CEP57L1: variants seen among roughly 807,000 people sequenced by gnomAD.
CEP57L1 encodes the protein centrosomal protein CEP57L1.
Under a neutral mutation model 61.0 loss-of-function variants are expected in CEP57L1, and 37 were observed. The observed-to-expected ratio is 0.61, with a 90% CI of 0.47 to 0.80. CEP57L1 has a LOEUF of 0.80. Among genes scored for constraint, CEP57L1 ranks in the 30% least tolerant of loss-of-function variants. CEP57L1 has a pLI of 0.00. For missense variants in CEP57L1, 422 were observed against 524.7 expected (o/e 0.80, Z 1.91); for synonymous variants, 137 against 162.3 (o/e 0.84, Z 1.19).
intron 1 of CEP57L1, chr6:109,129,506 C>T: frequency 8.7e-6 from 4 of 461,424 alleles, no homozygotes; most frequent in South Asian, 3.1e-5. Flanking sequence ...GAGTACTCTT[C>T]TGGCTGCATG....
intron 4 of CEP57L1, among the ~76,000 whole-genome samples, chr6:109,150,857 G>A (rs1772539344): frequency 6.6e-6 from 1 of 151,922 alleles, no homozygotes; most frequent in Non-Finnish European, 1.5e-5. Context: ...GTATCCTTCA[G>A]AAATAAAGAT....
At position 109,166,926 on chromosome 6, in the gene CEP57L1, G is replaced by A. The variant is rs1451344203; in HGVS notation, c.*3956G>A. ...CTTTATCTACTGAGAACATTTAATT[G>A]TAGGTGACGTGTAGATAAGTATAAG... On this transcript the variant is annotated 3_prime_UTR_variant, in exon 11 of 11. Coordinates refer to ENST00000517392, the MANE Select transcript of CEP57L1 (RefSeq NM_001271852.3). 6.6e-6 allele frequency among the ~76,000 whole-genome samples: 1 copy of A among 152,166 alleles called. No homozygotes were observed. Among genetic ancestry groups the A allele is most frequent in the East Asian group, 1.9e-4 (1 of 5,194 alleles).
chr6:109,096,353 G>A (rs1203869986), intron 1 of CEP57L1, among the ~76,000 whole-genome samples: 2 of 152,104 alleles, frequency 1.3e-5, no homozygotes, highest in Admixed American at 6.5e-5. Context: ...TTAGACATAC[G>A]GTTACAATAA....
At chr6:109,161,715 T>C (rs1029717478) in intron 10 of CEP57L1, among the ~76,000 whole-genome samples, 3 of 152,106 alleles carry the variant, frequency 2.0e-5, no homozygotes, top group Non-Finnish European at 2.9e-5. Context: ...TGAAATTGCA[T>C]TGGAGAAACT....
intron 1 of CEP57L1, among the ~76,000 whole-genome samples, chr6:109,139,028 A>C (rs1406879809): frequency 2.0e-5 from 3 of 152,178 alleles, no homozygotes; most frequent in Non-Finnish European, 2.9e-5. Flanking sequence ...TCTCTGGCAT[A>C]TCTAAATTGC....
intron 1 of CEP57L1, among the ~76,000 whole-genome samples, chr6:109,138,847 G>A (rs1363492221): frequency 6.6e-6 from 1 of 152,156 alleles, no homozygotes; most frequent in Non-Finnish European, 1.5e-5. Flanking sequence ...ACCACAGATA[G>A]TACCAAACTC....
At chr6:109,148,775 C>T (rs539513394) in intron 3 of CEP57L1, among the ~76,000 whole-genome samples, 1 of 152,324 alleles carries the variant, frequency 6.6e-6, no homozygotes, top group East Asian at 1.9e-4. Flanking sequence ...TCCTCTCCAG[C>T]ACCTGTTGTT....
rs188185507 is a variant in CEP57L1 at position 109,099,208 on chromosome 6, A to G, written c.-4+3633A>G. Reference sequence around the variant, plus strand: ...GGCAATAGATATAATTTTGGATTTTATAGTAGTGTTTTGATAGGAGTTGTT... The same window carrying G: ...GGCAATAGATATAATTTTGGATTTTGTAGTAGTGTTTTGATAGGAGTTGTT... On this transcript the variant is annotated intron_variant, in intron 1 of 10. Coordinates refer to ENST00000517392, the MANE Select transcript of CEP57L1 (RefSeq NM_001271852.3). Among the ~76,000 whole-genome samples, 14 of 152,294 alleles carry G rather than the reference A, an allele frequency of 9.2e-5. No individual in the cohort carries two copies. In the East Asian group the frequency reaches 2.7e-3, roughly 29 times the overall value.
At chr6:109,139,991 TA>T (rs1266142906) in intron 1 of CEP57L1, among the ~76,000 whole-genome samples, 2 of 152,238 alleles carry the variant, frequency 1.3e-5, no homozygotes, top group Admixed American at 1.3e-4. Flanking sequence ...AAGATAGTAG[TA>T]AGTGGCAGAT....
intron 1 of CEP57L1, among the ~76,000 whole-genome samples, chr6:109,105,296 C>A (rs1376973549): frequency 6.6e-6 from 1 of 152,012 alleles, no homozygotes; most frequent in Non-Finnish European, 1.5e-5. Flanking sequence ...TCTTCTAAAA[C>A]AAAGGTTTGT....
chr6:109,146,937 G>T lies in CEP57L1; in HGVS notation c.340G>T (p.Asp114Tyr). 1 of 1,601,674 alleles carries T rather than the reference G, an allele frequency of 6.2e-7. No individual in the cohort carries two copies. Among genetic ancestry groups the T allele is most frequent in the South Asian group, 1.1e-5 (1 of 88,734 alleles). Reference protein sequence around the residue: ...AHQELIKQKKDISIQLSSAQS... With the variant: ...AHQELIKQKKYISIQLSSAQS... ...CCAGGAGCTGATAAAGCAGAAAAAA[G>T]GTAAGAAATGCAGTAGTTCTCAGAA... Residue 114 changes from aspartate to tyrosine, a missense_variant and splice_region_variant, in exon 3 of 11, where the codon GAT (aspartate) becomes TAT (tyrosine). Physicochemically the swap from Asp to Tyr is radical, Grantham distance 160. Coordinates refer to ENST00000517392, the MANE Select transcript of CEP57L1 (RefSeq NM_001271852.3).
At chr6:109,110,249 G>A (rs1357361364) in intron 1 of CEP57L1, among the ~76,000 whole-genome samples, 2 of 152,144 alleles carry the variant, frequency 1.3e-5, no homozygotes, top group African/African-American at 2.4e-5. Flanking sequence ...GGCATGAGAT[G>A]GTATCTTATT....
intron 1 of CEP57L1, among the ~76,000 whole-genome samples, chr6:109,109,605 T>C (rs1338211717): frequency 6.6e-6 from 1 of 152,244 alleles, no homozygotes; most frequent in Non-Finnish European, 1.5e-5. Context: ...GTTTGTTACA[T>C]AGGTATACAC....
chr6:109,145,276 A>G lies in CEP57L1; in HGVS notation c.55A>G (p.Arg19Gly). Residue 19 changes from arginine to glycine, a missense_variant, in exon 2 of 11, where the codon AGA becomes GGA. Transcript: ENST00000517392. ...IVGSYHKPPE[R>G]VFVPSFTQNE... ...AGGAAGCTATCATAAACCTCCAGAA[A>G]GAGTATTTGTTCCCTCATTCACCCA... 6.2e-7 allele frequency: 1 copy of G among 1,605,886 alleles called. No homozygotes were observed. Among genetic ancestry groups the G allele is most frequent in the African/African-American group, 1.3e-5 (1 of 74,840 alleles).
intron 2 of CEP57L1, among the ~76,000 whole-genome samples, chr6:109,145,840 A>G (rs1771899558): frequency 6.6e-6 from 1 of 151,994 alleles, no homozygotes. Flanking sequence ...TTTAAAATAG[A>G]AATGTAGGAG....
intron 1 of CEP57L1, among the ~76,000 whole-genome samples, chr6:109,133,272 T>G (rs576926421): frequency 6.6e-6 from 1 of 152,228 alleles, no homozygotes; most frequent in Admixed American, 6.5e-5. Context: ...TGAAACAGTT[T>G]CACCCTAGAT....
In CEP57L1 at chr6:109,169,124, G is replaced by A. The variant is rs1443741652; in HGVS notation, c.*6154G>A. Among the ~76,000 whole-genome samples the A allele has an allele frequency of 1.3e-5, 2 of 150,848 alleles. No homozygotes were observed. The highest frequency in any genetic ancestry group is 1.5e-5 in the Non-Finnish European group (1 of 67,832). On this transcript the variant is annotated 3_prime_UTR_variant, in exon 11 of 11. Transcript: ENST00000517392. ...GCCTGTAATCCCGGGTACTCGGGAG[G>A]CTAAGGCCAGAGGATTGCTTGAACC...
At chr6:109,113,249 C>G (rs996831392) in intron 1 of CEP57L1, among the ~76,000 whole-genome samples, 2 of 152,032 alleles carry the variant, frequency 1.3e-5, no homozygotes, top group Non-Finnish European at 2.9e-5. Context: ...AATTTATCTT[C>G]ATAATTTTCT....
intron 1 of CEP57L1, among the ~76,000 whole-genome samples, chr6:109,108,471 C>G (rs1042693804): frequency 6.6e-5 from 10 of 151,982 alleles, no homozygotes; most frequent in African/African-American, 2.4e-4. Flanking sequence ...CTCAGCCTCC[C>G]AAAGTACTGG....
Sources: allele counts gnomAD v4.1 joint callset (sites outside exome capture counted in the v4.1 genomes callset), GRCh38; gene constraint gnomAD v4.1.1; transcripts MANE v1.5; gene names NCBI Gene and HGNC (gene_info 2026-07-23, HGNC 2026-07-21).